Variants in MYO15A observed in about 807,000 individuals in gnomAD.
MYO15A encodes the protein myosin XVA, also known as unconventional myosin-XV.
In MYO15A, 308 loss-of-function variants were observed where a neutral mutation model predicts 394.6. The observed-to-expected ratio is 0.78, with a 90% CI of 0.71 to 0.86. The LOEUF is 0.86. Ranked by LOEUF, MYO15A falls within the 40% of genes least tolerant of loss-of-function variation. MYO15A has a pLI of 0.00. For missense variants in MYO15A, 4,606 were observed against 4,799.1 expected (o/e 0.96, Z 1.19); for synonymous variants, 1,957 against 2,003.8 (o/e 0.98, Z 0.62).
At position 18,138,117 on chromosome 17, in the gene MYO15A, G is replaced by A. The variant is rs1486247096; in HGVS notation, c.4878G>A (p.Glu1626=). The change falls in exon 17 of 66, where the codon GAG becomes GAA. Residue 1626 remains glutamate, a splice_region_variant and synonymous_variant. Coordinates refer to ENST00000647165, the MANE Select transcript of MYO15A (RefSeq NM_016239.4). ...CTCCTGCTGCCCACTGCCTGCAGGA[G>A]GAGTACATCCGTGAGCAGATAGACT... ...FNKIVFQEEQ[E]EYIREQIDWQ... is the part of the protein sequence containing the mutation. The A allele has an allele frequency of 6.2e-7, 1 of 1,611,108 alleles. No individual in the cohort carries two copies. The highest frequency in any genetic ancestry group is 1.1e-5 in the South Asian group (1 of 91,088).
chr17:18,160,041 A>C (rs1305811085), intron 56 of MYO15A, 24 bp downstream of exon 56: 2 of 1,601,746 alleles, frequency 1.2e-6, no homozygotes, highest in Non-Finnish European at 1.7e-6. Flanking sequence ...ACTTTACCCC[A>C]CCATCCCCTC....
rs752218682 is a variant in MYO15A at position 18,156,270 on chromosome 17, C to T, written c.8535C>T (p.Ile2845=). ...TCAACCTGGCCAGTGAGAAGGTCAT[C>T]CTCTTCTCAGCCCGAGCGCACCAGG... The part of the protein sequence containing the change: ...LEFNLASEKV[I]LFSARAHQVK... The change falls in exon 48 of 66, where the codon ATC becomes ATT. Residue 2845 remains isoleucine, a synonymous_variant. Transcript: ENST00000647165. 1.2e-6 allele frequency: 2 copies of T among 1,614,174 alleles called. No homozygotes were observed. The highest frequency in any genetic ancestry group is 1.7e-6 in the Non-Finnish European group (2 of 1,180,002).
rs1426710062 is a variant in MYO15A, at chr17:18,159,965, G to A, written c.9334G>A (p.Glu3112Lys). The A allele has an allele frequency of 6.2e-7, 1 of 1,614,068 alleles. No homozygotes were observed. The highest frequency in any genetic ancestry group is 1.1e-5 in the South Asian group (1 of 91,082). ...CGGGGACCATGAGGTCATGCGGGAT[G>A]AATGTTACTGCCAAGTTGTGAAGCA... ...LCGDHEVMRD[E>K]CYCQVVKQIT... The change falls in exon 56 of 66, where the codon GAA becomes AAA. Residue 3112 changes from glutamate to lysine, a missense_variant. Around this residue, in one of 2 missense-constraint regions of MYO15A, gnomAD observed 2,776 missense variants for 3,109.3 expected, o/e 0.89. Coordinates refer to ENST00000647165, the MANE Select transcript of MYO15A (RefSeq NM_016239.4).
At position 18,120,077 on chromosome 17, in the gene MYO15A, C is replaced by T. The variant is rs765664013; in HGVS notation, c.1277C>T (p.Ala426Val). 2 of 1,612,974 alleles carry T rather than the reference C, an allele frequency of 1.2e-6. No homozygotes were observed. The highest frequency in any genetic ancestry group is 3.3e-5 in the Admixed American group (2 of 60,020). ...ATCCCGTCGCCCCACAACCCGTATG[C>T]CCACGCCATGGATGACATCGCCGAG... The part of the protein sequence containing the change: ...PPIPSPHNPY[A>V]HAMDDIAELE... Residue 426 changes from alanine (A) to valine (V), a missense_variant, in exon 2 of 66, where the codon GCC becomes GTC. Ala to Val is a moderately conservative substitution (Grantham distance 64). Coordinates refer to ENST00000647165, the MANE Select transcript of MYO15A (RefSeq NM_016239.4).
At chr17:18,163,373 G>A in intron 59 of MYO15A, 52 bp downstream of exon 59, 1 of 1,573,512 alleles carries the variant, frequency 6.4e-7, no homozygotes, top group Non-Finnish European at 8.7e-7. Context: ...CAGGGACAAG[G>A]ACAGCCCAGG....
At chr17:18,161,230 G>A (rs952880783) in intron 56 of MYO15A, 87 bp from the exon 57 acceptor site, 2 of 1,542,552 alleles carry the variant, frequency 1.3e-6, no homozygotes, top group Non-Finnish European at 1.8e-6. Context: ...CTGAGAGTTG[G>A]AATCTGTCTC....
At chr17:18,137,736 T>G in intron 16 of MYO15A, 57 bp downstream of exon 16, 1 of 1,545,924 alleles carries the variant, frequency 6.5e-7, no homozygotes, top group East Asian at 2.3e-5. Context: ...TGGACCTCCT[T>G]GGAGACAGAT....
chr17:18,137,500 T>C (rs973363293), intron 15 of MYO15A, 84 bp from the exon 16 acceptor site: 1 of 1,234,820 alleles, frequency 8.1e-7, no homozygotes, highest in African/African-American at 1.5e-5. Context: ...CTCCAGCTTT[T>C]TGAAGTTGCC....
At chr17:18,138,074 C>T in intron 16 of MYO15A, 41 bp from the exon 17 acceptor site, 1 of 1,601,148 alleles carries the variant, frequency 6.2e-7, no homozygotes, top group Non-Finnish European at 8.5e-7. Context: ...GGGCCCTGGA[C>T]AGGGATGGGA....
chr17:18,114,238 TGTC>T (rs1567614003), intron 1 of MYO15A, among the ~76,000 whole-genome samples: 1 of 133,662 alleles, frequency 7.5e-6, no homozygotes, highest in Non-Finnish European at 1.6e-5. Context: ...ACCACAGTCC[TGTC>T]TTTTTTTTTT....
intron 62 of MYO15A, 64 bp from the exon 63 acceptor site, chr17:18,171,572 GCA>G (rs2046940327): frequency 6.2e-7 from 1 of 1,610,512 alleles, no homozygotes; most frequent in African/African-American, 1.3e-5. Context: ...CATGCCTGCT[GCA>G]CAGTGAGGAT....
Position 18,119,344 on chromosome 17 carries a change from C to A in MYO15A, c.544C>A (p.Arg182=), listed in dbSNP as rs200652330. ...CTTCCCGTCGGGTGCCGAGATCCTG[C>A]GGCCTGGGGGCCGGCTCCGGAGGTT... ...LPFPSGAEIL[R]PGGRLRRFPR... is the part of the protein sequence containing the mutation. Residue 182 remains arginine, a synonymous_variant, in exon 2 of 66, where the codon CGG becomes AGG. Coordinates refer to ENST00000647165, the MANE Select transcript of MYO15A (RefSeq NM_016239.4). 6.8e-6 allele frequency: 11 copies of A among 1,609,062 alleles called. No homozygotes were observed. The highest frequency in any genetic ancestry group is 4.5e-5 in the East Asian group (2 of 44,826).
In MYO15A at chr17:18,166,369, G is replaced by A. The variant is rs1189048974; in HGVS notation, c.9796G>A (p.Val3266Met). 3 of 1,613,170 alleles carry A rather than the reference G, an allele frequency of 1.9e-6. No individual in the cohort carries two copies. The highest frequency in any genetic ancestry group is 2.2e-5 in the South Asian group (2 of 91,080). Reference protein sequence around the residue: ...IFVVTNRGQHVCPLSRRAYIL... With the variant: ...IFVVTNRGQHMCPLSRRAYIL... ...CTCCCTGCTCTCTGCAGGCCAGCAT[G>A]TGTGCCCACTCAGTCGCCGTGCTTA... The change falls in exon 61 of 66, where the codon GTG becomes ATG. Residue 3266 changes from valine (V) to methionine (M), a missense_variant. Val to Met is a conservative substitution (Grantham distance 21). Coordinates refer to ENST00000647165, the MANE Select transcript of MYO15A (RefSeq NM_016239.4).
intron 8 of MYO15A, 74 bp from the exon 9 acceptor site, chr17:18,131,165 C>A: frequency 7.3e-7 from 1 of 1,364,674 alleles, no homozygotes; most frequent in Non-Finnish European, 1.0e-6. Context: ...TGGGTGTCCC[C>A]AGCTATGCCC....
Position 18,151,220 on chromosome 17 carries a change from G to T in MYO15A, c.7584G>T (p.Lys2528Asn), listed in dbSNP as rs2046575298. The T allele has an allele frequency of 6.2e-7, 1 of 1,614,022 alleles. No individual in the cohort carries two copies. The highest frequency in any genetic ancestry group is 1.3e-5 in the African/African-American group (1 of 75,000). The change falls in exon 39 of 66, where the codon AAG becomes AAT. Residue 2528 changes from lysine (K) to asparagine (N), a missense_variant. Coordinates refer to ENST00000647165, the MANE Select transcript of MYO15A (RefSeq NM_016239.4). ...CCTTGGCCCCAGCCCCTCTGGCCAA[G>T]GCTCCAAGGCTCCCCATCAAGCCTG... Reference protein sequence around the residue: ...PKPLAPAPLAKAPRLPIKPVA... With the variant: ...PKPLAPAPLANAPRLPIKPVA...
rs2046841678 is a variant in MYO15A, at chr17:18,165,592, A to G, written c.9788-769A>G. Among the ~76,000 whole-genome samples, 3 of 152,334 alleles carry G rather than the reference A, an allele frequency of 2.0e-5. No homozygotes were observed. The South Asian group carries it at 6.2e-4, about 32-fold the overall frequency. Reference sequence around the variant, plus strand: ...GGGCCTGCTTGGATAATCCAGGATCATCTCCATCTCCACATCCTTAACTTA... The same window carrying G: ...GGGCCTGCTTGGATAATCCAGGATCGTCTCCATCTCCACATCCTTAACTTA... On this transcript the variant is annotated intron_variant, in intron 60 of 65. Transcript: ENST00000647165.
Position 18,120,900 on chromosome 17 carries a change from C to T in MYO15A, c.2100C>T (p.His700=). 2 of 1,401,230 alleles carry T rather than the reference C, an allele frequency of 1.4e-6. No individual in the cohort carries two copies. 86.8% of individuals were successfully genotyped at this position (1,401,230 alleles called of 1,614,324 possible). A position where few individuals can be genotyped will look rare whatever the true frequency, so the allele number is the denominator to read the frequency against. Residue 700 remains histidine, a synonymous_variant, in exon 2 of 66, where the codon CAC becomes CAT. Transcript: ENST00000647165. The part of the protein sequence containing the change: ...PASPYGSLRR[H]PPPWAAPAHV... Reference sequence around the variant, plus strand: ...CGCCCTACGGCTCCCTCCGCCGCCACCCGCCGCCCTGGGCCGCCCCAGCGC... The same window carrying T: ...CGCCCTACGGCTCCCTCCGCCGCCATCCGCCGCCCTGGGCCGCCCCAGCGC...
chr17:18,155,873 T>A (rs2046666223), intron 47 of MYO15A: 1 of 445,616 alleles, frequency 2.2e-6, no homozygotes, highest in Non-Finnish European at 4.2e-6. Flanking sequence ...AAAACCTGCA[T>A]GCTTTGAAAG....
At position 18,119,433 on chromosome 17, in the gene MYO15A, G is replaced by A; in HGVS notation, c.633G>A (p.Glu211=). 1 of 1,612,480 alleles carries A rather than the reference G, an allele frequency of 6.2e-7. No homozygotes were observed. The highest frequency in any genetic ancestry group is 8.5e-7 in the Non-Finnish European group (1 of 1,179,986). ...TGGGCTTCCTGCCCTTCGAGGACGA[G>A]GCCCCATTCCATCACTCGGGCTCCC... ...EPLGFLPFED[E]APFHHSGSRK... Residue 211 remains glutamate, a synonymous_variant, in exon 2 of 66, where the codon GAG becomes GAA. Transcript: ENST00000647165.
Sources: allele counts gnomAD v4.1 joint callset (sites outside exome capture counted in the v4.1 genomes callset), GRCh38; gene constraint gnomAD v4.1.1; regional missense constraint gnomAD v4.1.1; transcripts MANE v1.5; gene names NCBI Gene and HGNC (gene_info 2026-07-23, HGNC 2026-07-21).